DAB1: variants seen among roughly 807,000 people sequenced by gnomAD.
DAB1 encodes the protein disabled homolog 1.
DAB1 carries 15 observed loss-of-function variants against 64.6 expected under a neutral mutation model. The observed-to-expected ratio is 0.23, with a 90% CI of 0.16 to 0.36. The LOEUF is 0.36. DAB1 is among the 10% of genes least tolerant of loss of function. The pLI is 1.00. For missense variants in DAB1, 596 were observed against 706.7 expected, an observed-to-expected ratio of 0.84 and a Z score of 1.78; for synonymous variants, 235 against 251.9, an observed-to-expected ratio of 0.93 and a Z score of 0.64.
intron 3 of DAB1, among the ~76,000 whole-genome samples, chr1:58,466,185 G>A (rs338247): frequency 0.82 from 125,233 of 151,966 alleles, 52,533 homozygotes; most frequent in African/African-American, 0.93. Context: ...TCCTGGAGAC[G>A]TGGGACTCCT....
At chr1:58,116,510 C>T (rs773301301) in intron 5 of DAB1, among the ~76,000 whole-genome samples, 1 of 152,142 alleles carries the variant, frequency 6.6e-6, no homozygotes, top group Non-Finnish European at 1.5e-5. Context: ...ATACATCAGA[C>T]TCATCTAACT....
At chr1:57,723,611 T>C (rs998897446) in intron 6 of DAB1, among the ~76,000 whole-genome samples, 3 of 152,216 alleles carry the variant, frequency 2.0e-5, no homozygotes, top group Non-Finnish European at 4.4e-5. Flanking sequence ...GGAGTGGAGA[T>C]GTGGAAAGCC....
intron 6 of DAB1, among the ~76,000 whole-genome samples, chr1:57,728,205 T>C (rs1647263677): frequency 6.6e-6 from 1 of 152,214 alleles, no homozygotes. Flanking sequence ...GTGCCTGTTT[T>C]TTTCTGCATT....
intron 4 of DAB1, among the ~76,000 whole-genome samples, chr1:57,088,979 AG>A (rs775868263): frequency 2.2e-4 from 34 of 152,352 alleles, no homozygotes; most frequent in South Asian, 4.1e-4. Context: ...TTAAGGGCAC[AG>A]ACCCTGGAGC....
intron 6 of DAB1, among the ~76,000 whole-genome samples, chr1:57,717,696 A>C (rs1647100343): frequency 6.6e-6 from 1 of 152,164 alleles, no homozygotes; most frequent in South Asian, 2.1e-4. Flanking sequence ...TAAATGGATT[A>C]AGAAAATGTG....
At chr1:58,101,856 A>G (rs1444887638) in intron 5 of DAB1, among the ~76,000 whole-genome samples, 1 of 152,196 alleles carries the variant, frequency 6.6e-6, no homozygotes, top group Non-Finnish European at 1.5e-5. Flanking sequence ...TCCCACCAGC[A>G]GTCCTCCCTC....
intron 4 of DAB1, among the ~76,000 whole-genome samples, chr1:58,282,139 A>G (rs1661578061): frequency 1.3e-5 from 2 of 152,164 alleles, no homozygotes; most frequent in Non-Finnish European, 2.9e-5. Context: ...AATAGATCCT[A>G]GGATTCCCAC....
chr1:57,409,581 T>C (rs2101053748), intron 1 of DAB1, among the ~76,000 whole-genome samples: 1 of 152,148 alleles, frequency 6.6e-6, no homozygotes, highest in Middle Eastern at 3.4e-3. Context: ...GAGGCCGAGG[T>C]GGGCGGATCA....
At chr1:57,880,852 A>G (rs1644133041) in intron 1 of DAB1, 1 of 152,232 alleles carries the variant, frequency 6.6e-6, no homozygotes, top group Non-Finnish European at 1.5e-5. Flanking sequence ...CACCCATTAA[A>G]GTGCTCTTTT....
At chr1:57,880,385 A>T (rs1022203738) in intron 1 of DAB1, 2 of 152,212 alleles carry the variant, frequency 1.3e-5, no homozygotes, top group African/African-American at 4.8e-5. Flanking sequence ...CCCCGCCCAT[A>T]GAACCATCAT....
rs534582354 is a variant in DAB1 at position 57,911,345 on chromosome 1, G to A, written n.388-27183C>T. Among the ~76,000 whole-genome samples the A allele has an allele frequency of 3.3e-5, 5 of 152,274 alleles. No homozygotes were observed. The East Asian group carries it at 7.7e-4, about 24-fold the overall frequency. On this transcript the variant is annotated intron_variant and non_coding_transcript_variant, in intron 5 of 20. Coordinates refer to the DAB1 transcript ENST00000485760. The stretch of plus-strand genomic sequence containing the variant: ...CTGCATTTCCCATATTCTCTTGCAT[G>A]GTGGCTTTTGCTTAGGCTTTGTTGA...
At chr1:57,327,612 A>G (rs562557334) in intron 1 of DAB1, among the ~76,000 whole-genome samples, 2 of 152,282 alleles carry the variant, frequency 1.3e-5, no homozygotes, top group South Asian at 4.1e-4. Flanking sequence ...AGATCACCAA[A>G]ATGATACCAT....
chr1:58,290,632 T>C (rs1210386487), intron 4 of DAB1, among the ~76,000 whole-genome samples: 1 of 152,174 alleles, frequency 6.6e-6, no homozygotes. Context: ...TTTTCTTAGC[T>C]CGTCTCTGAA....
intron 7 of DAB1, among the ~76,000 whole-genome samples, chr1:57,577,585 G>A (rs1404389): frequency 0.96 from 146,407 of 152,232 alleles, 70,639 homozygotes; most frequent in East Asian, 1. Context: ...CAGAGAGGTT[G>A]TAACACTTTC....
intron 1 of DAB1, among the ~76,000 whole-genome samples, chr1:57,365,586 AG>A (rs1679930912): frequency 6.6e-6 from 1 of 152,012 alleles, no homozygotes. Context: ...TTGAAGACAC[AG>A]GTAATAATAT....
At chr1:57,634,218 A>T (rs1040624089) in intron 7 of DAB1, among the ~76,000 whole-genome samples, 2 of 152,242 alleles carry the variant, frequency 1.3e-5, no homozygotes, top group Non-Finnish European at 2.9e-5. Flanking sequence ...AATGAAGACA[A>T]TAATGTAAGA....
intron 2 of DAB1, among the ~76,000 whole-genome samples, chr1:57,193,668 A>G (rs1360211015): frequency 1.3e-5 from 2 of 152,176 alleles, no homozygotes; most frequent in Non-Finnish European, 2.9e-5. Flanking sequence ...TGTAGGCTTG[A>G]GCCATGCATA....
At chr1:57,108,147 A>T (rs1655336096) in intron 4 of DAB1, among the ~76,000 whole-genome samples, 1 of 152,204 alleles carries the variant, frequency 6.6e-6, no homozygotes, top group Admixed American at 6.5e-5. Flanking sequence ...TCAAGGCTGT[A>T]GGGTAAAAAC....
At chr1:58,256,199 T>C (rs968304437) in intron 4 of DAB1, among the ~76,000 whole-genome samples, 1 of 152,356 alleles carries the variant, frequency 6.6e-6, no homozygotes, top group African/African-American at 2.4e-5. Flanking sequence ...TCACTATCAT[T>C]GGCATTGTTG....
Sources: allele counts gnomAD v4.1 joint callset (sites outside exome capture counted in the v4.1 genomes callset), GRCh38; gene constraint gnomAD v4.1.1; transcripts MANE v1.5; gene names NCBI Gene and HGNC (gene_info 2026-07-23, HGNC 2026-07-21).